TENM3: variants seen among roughly 807,000 people sequenced by gnomAD.
TENM3 encodes the protein teneurin-3.
Under a neutral mutation model 255.1 loss-of-function variants are expected in TENM3, and 63 were observed. The ratio of observed to expected loss-of-function variants is 0.25; its 90% CI spans 0.20 to 0.30. The LOEUF (loss-of-function observed/expected upper bound fraction) is 0.30. TENM3 is among the 10% of genes least tolerant of loss of function. TENM3 has a pLI of 1.00. For missense variants in TENM3, 2,929 were observed against 3,461.1 expected (o/e 0.85, Z 3.86); for synonymous variants, 1,306 against 1,322.3 (o/e 0.99, Z 0.27).
the TENM3 span, among the ~76,000 whole-genome samples, chr4:181,791,802 A>G: frequency 6.6e-6 from 1 of 152,214 alleles, no homozygotes; most frequent in African/African-American, 2.4e-5. Context: ...AATGAAGCTC[A>G]AATCAGACAG....
intron 3 of TENM3, among the ~76,000 whole-genome samples, chr4:182,511,841 A>G (rs1737430503): frequency 6.6e-6 from 1 of 152,192 alleles, no homozygotes; most frequent in Admixed American, 6.5e-5. Context: ...TTTATTGATT[A>G]ACTAGCAAGT....
the TENM3 span, among the ~76,000 whole-genome samples, chr4:181,547,933 A>G: frequency 2.0e-5 from 3 of 152,114 alleles, no homozygotes; most frequent in East Asian, 1.9e-4. Context: ...AACATTACAT[A>G]TATCTCCTAA....
chr4:181,822,827 T>C, the TENM3 span, among the ~76,000 whole-genome samples: 1 of 152,216 alleles, frequency 6.6e-6, no homozygotes, highest in Non-Finnish European at 1.5e-5. Context: ...TTTCCAGGTT[T>C]AATTTTGGGC....
chr4:181,685,050 C>T, the TENM3 span, among the ~76,000 whole-genome samples: 22 of 151,334 alleles, frequency 1.5e-4, no homozygotes, highest in African/African-American at 5.3e-4. Flanking sequence ...AGCCATGAGC[C>T]ACTGCACCTG....
chr4:181,881,292 T>C, the TENM3 span, among the ~76,000 whole-genome samples: 1 of 152,054 alleles, frequency 6.6e-6, no homozygotes, highest in South Asian at 2.1e-4. Flanking sequence ...TTCTCACCAA[T>C]TTTCTAAACC....
chr4:182,656,416 T>C (rs1466944312), intron 6 of TENM3, among the ~76,000 whole-genome samples: 4 of 152,182 alleles, frequency 2.6e-5, no homozygotes, highest in African/African-American at 9.7e-5. Context: ...ATCTCCTAAA[T>C]ATTGTTCTTA....
chr4:182,075,463 G>A, the TENM3 span, among the ~76,000 whole-genome samples: 1 of 152,126 alleles, frequency 6.6e-6, no homozygotes, highest in Non-Finnish European at 1.5e-5. Context: ...CTCCCAAAGT[G>A]CTGGGATTAC....
the TENM3 span, among the ~76,000 whole-genome samples, chr4:182,093,474 G>C: frequency 3.3e-5 from 5 of 152,148 alleles, no homozygotes; most frequent in Non-Finnish European, 7.3e-5. Flanking sequence ...GTACAAGTAG[G>C]TGGGGACAAA....
At chr4:181,722,595 A>G in the TENM3 span, among the ~76,000 whole-genome samples, 1 of 152,222 alleles carries the variant, frequency 6.6e-6, no homozygotes, top group Non-Finnish European at 1.5e-5. Context: ...TTTGAAAGTT[A>G]ATAATTACTT....
the TENM3 span, among the ~76,000 whole-genome samples, chr4:182,136,951 G>C: frequency 1.3e-5 from 2 of 152,086 alleles, no homozygotes; most frequent in Non-Finnish European, 2.9e-5. Flanking sequence ...TTCTCATAAT[G>C]CACAGAAAGA....
In TENM3 at chr4:182,346,773, G is replaced by T. The variant is rs201491880; in HGVS notation, c.355G>T (p.Asp119Tyr). The T allele has an allele frequency of 6.2e-6, 10 of 1,613,490 alleles. No individual in the cohort carries two copies. Among genetic ancestry groups the T allele is most frequent in the Non-Finnish European group, 1.7e-6 (2 of 1,179,784 alleles). The change falls in exon 3 of 28, where the codon GAT becomes TAT. Residue 119 changes from aspartate to tyrosine, a missense_variant. Around this residue, in one of 6 missense-constraint regions of TENM3, gnomAD observed 283 missense variants for 256.9 expected, o/e 1.10. Transcript: ENST00000511685. ...GYSISAGSDADTENEAVMSPE... is the reference protein window; with the variant it reads ...GYSISAGSDAYTENEAVMSPE... ...CTCTATCAGTGCAGGGTCAGATGCTGATACTGAAAATGAAGCAGTGATGTC... is the reference window on the plus strand; with the variant it reads ...CTCTATCAGTGCAGGGTCAGATGCTTATACTGAAAATGAAGCAGTGATGTC...
chr4:181,540,170 C>G, the TENM3 span, among the ~76,000 whole-genome samples: 2 of 152,106 alleles, frequency 1.3e-5, no homozygotes. Flanking sequence ...GGGCCTATTA[C>G]AGGAGCCAAC....
At chr4:182,275,388 G>C (rs1759931819) in intron 1 of TENM3, among the ~76,000 whole-genome samples, 1 of 152,136 alleles carries the variant, frequency 6.6e-6, no homozygotes, top group Non-Finnish European at 1.5e-5. Context: ...CCTGGCATCT[G>C]TTACACTGTA....
the TENM3 span, among the ~76,000 whole-genome samples, chr4:181,846,806 C>T: frequency 1.3e-5 from 2 of 152,062 alleles, no homozygotes; most frequent in Non-Finnish European, 2.9e-5. Context: ...GCATTTGGAG[C>T]CCAGGAATCT....
At chr4:181,494,670 C>A in the TENM3 span, among the ~76,000 whole-genome samples, 1 of 152,142 alleles carries the variant, frequency 6.6e-6, no homozygotes, top group Non-Finnish European at 1.5e-5. Flanking sequence ...TTTCCTTATC[C>A]TTCAATCTAA....
In TENM3 at chr4:182,600,971, C is replaced by T; in HGVS notation, c.559C>T (p.Pro187Ser). The change falls in exon 4 of 28, where the codon CCT (proline) becomes TCT (serine). Residue 187 changes from proline to serine, a missense_variant. This residue lies in a region of TENM3 where 283 missense variants were observed against 256.9 expected (regional missense o/e 1.10). Transcript: ENST00000511685. ...QGQSTLQPLP[P>S]SHKQHSAQHH... ...CCAGTCTACCCTGCAGCCCTTGCCGCCTTCCCATAAGCAGCACTCTGCACA... is the reference window on the plus strand; with the variant it reads ...CCAGTCTACCCTGCAGCCCTTGCCGTCTTCCCATAAGCAGCACTCTGCACA... The T allele has an allele frequency of 6.2e-7, 1 of 1,610,760 alleles. No homozygotes were observed. Among genetic ancestry groups the T allele is most frequent in the Non-Finnish European group, 8.5e-7 (1 of 1,179,288 alleles).
chr4:181,573,830 C>G, the TENM3 span, among the ~76,000 whole-genome samples: 3 of 152,170 alleles, frequency 2.0e-5, no homozygotes, highest in African/African-American at 2.4e-5. Context: ...TTCACACCCT[C>G]TATGTGCTGA....
chr4:181,522,078 G>A, the TENM3 span, among the ~76,000 whole-genome samples: 4 of 124,354 alleles, frequency 3.2e-5, no homozygotes, highest in East Asian at 7.1e-4. Flanking sequence ...TCCAGCCTGG[G>A]CAACAGAGCG....
chr4:182,628,251 A>G (rs1751022412), intron 4 of TENM3, among the ~76,000 whole-genome samples: 1 of 152,154 alleles, frequency 6.6e-6, no homozygotes, highest in African/African-American at 2.4e-5. Flanking sequence ...GTAAATGGCC[A>G]TGTAGCTGGG....
Sources: gnomAD v4.1 joint callset for allele counts (sites outside exome capture counted in the v4.1 genomes callset) on GRCh38, gnomAD v4.1.1 for gene constraint, gnomAD v4.1.1 regional missense constraint, MANE v1.5 for transcripts, NCBI Gene and HGNC (gene_info 2026-07-23, HGNC 2026-07-21) for gene names.